Variants in B3GLCT observed in about 807,000 individuals in gnomAD.
B3GLCT encodes beta 3-glucosyltransferase.
In B3GLCT, 65 loss-of-function variants were observed where a neutral mutation model predicts 63.4. The observed-to-expected ratio is 1.03, with a 90% CI of 0.84 to 1.26. The LOEUF (loss-of-function observed/expected upper bound fraction) is 1.26, where lower values mean the gene tolerates loss of function less well. Among genes scored for constraint, B3GLCT ranks in the 50% most tolerant of loss-of-function variants. The pLI, the probability that B3GLCT is intolerant of heterozygous loss-of-function variation, is 0.00. For synonymous variants in B3GLCT, 233 were observed against 219.2 expected, an observed-to-expected ratio of 1.06 and a Z score of -0.55; for missense variants, 577 against 604.8, an observed-to-expected ratio of 0.95 and a Z score of 0.48.
At chr13:31,279,046 A>G (rs557412803) in intron 10 of B3GLCT, among the ~76,000 whole-genome samples, 1 of 152,276 alleles carries the variant, frequency 6.6e-6, no homozygotes, top group Admixed American at 6.5e-5. Flanking sequence ...GATGTATTAC[A>G]AACTCCATAC....
At chr13:31,324,446 A>C (rs1875504416) in intron 14 of B3GLCT, among the ~76,000 whole-genome samples, 1 of 152,202 alleles carries the variant, frequency 6.6e-6, no homozygotes, top group Admixed American at 6.5e-5. Flanking sequence ...TATGTTTACC[A>C]GGGACGGGTA....
intron 1 of B3GLCT, among the ~76,000 whole-genome samples, chr13:31,201,521 G>T (rs1252897767): frequency 6.6e-6 from 1 of 152,200 alleles, no homozygotes; most frequent in African/African-American, 2.4e-5. Flanking sequence ...GCAGCCCTGG[G>T]AGAAAGGGAG....
chr13:31,320,374 G>C (rs1416868431), intron 13 of B3GLCT, among the ~76,000 whole-genome samples: 1 of 152,018 alleles, frequency 6.6e-6, no homozygotes, highest in Non-Finnish European at 1.5e-5. Flanking sequence ...CACTGCTTTG[G>C]GCCCGAAAGC....
chr13:31,319,252 T>C lies in B3GLCT; in HGVS notation c.1184+1567T>C, dbSNP rs7333169. On this transcript the variant is annotated intron_variant, in intron 13 of 14. Coordinates refer to ENST00000343307, the MANE Select transcript of B3GLCT (RefSeq NM_194318.4). ...GCTCAGCGTCTACCCTGCCCCTGGGTACTTCCCACCACCTCTAGTTTTTCT... is the reference window on the plus strand; with the variant it reads ...GCTCAGCGTCTACCCTGCCCCTGGGCACTTCCCACCACCTCTAGTTTTTCT... 9.7e-3 allele frequency among the ~76,000 whole-genome samples: 1,481 copies of C among 152,284 alleles called. 59 individuals are homozygous for C. Among genetic ancestry groups the C allele is most frequent in the East Asian group, 0.07 (364 of 5,176 alleles).
chr13:31,262,190 T>G (rs1193819128), intron 7 of B3GLCT, among the ~76,000 whole-genome samples: 2 of 151,674 alleles, frequency 1.3e-5, no homozygotes, highest in East Asian at 3.9e-4. Flanking sequence ...GGTACAAATC[T>G]GGGGGTTCTT....
intron 1 of B3GLCT, among the ~76,000 whole-genome samples, chr13:31,204,892 T>G (rs1377716687): frequency 6.6e-6 from 1 of 152,168 alleles, no homozygotes; most frequent in Non-Finnish European, 1.5e-5. Context: ...TGGGTAGTAG[T>G]GCTGTTTACT....
chr13:31,213,758 A>G (rs1481005121), intron 1 of B3GLCT, among the ~76,000 whole-genome samples: 1 of 151,916 alleles, frequency 6.6e-6, no homozygotes, highest in East Asian at 1.9e-4. Context: ...AGTAAAGCAG[A>G]GTGAGGTGGA....
chr13:31,208,662 C>A (rs552894278), intron 1 of B3GLCT, among the ~76,000 whole-genome samples: 3 of 135,606 alleles, frequency 2.2e-5, no homozygotes, highest in African/African-American at 8.0e-5. Context: ...AGGCCCTTAG[C>A]GCTCTTTGCT....
At chr13:31,250,111 G>GT (rs1477357081) in intron 6 of B3GLCT, among the ~76,000 whole-genome samples, 3 of 152,148 alleles carry the variant, frequency 2.0e-5, no homozygotes, top group South Asian at 4.2e-4. Context: ...TCTTTCCTTT[G>GT]TAACCACAGT....
chr13:31,275,719 T>C (rs1199258495), intron 9 of B3GLCT, among the ~76,000 whole-genome samples: 1 of 152,142 alleles, frequency 6.6e-6, no homozygotes, highest in East Asian at 1.9e-4. Context: ...ACCTCAGATA[T>C]TGTCGTTATT....
At chr13:31,203,364 G>T (rs573278184) in intron 1 of B3GLCT, among the ~76,000 whole-genome samples, 1 of 152,318 alleles carries the variant, frequency 6.6e-6, no homozygotes, top group African/African-American at 2.4e-5. Flanking sequence ...GGCTCCCCAG[G>T]TCATGGACTT....
At chr13:31,230,318 G>A (rs1232695947) in intron 4 of B3GLCT, among the ~76,000 whole-genome samples, 1 of 152,176 alleles carries the variant, frequency 6.6e-6, no homozygotes, top group African/African-American at 2.4e-5. Context: ...TCTGCACCAT[G>A]TTGTGATGTC....
intron 12 of B3GLCT, among the ~76,000 whole-genome samples, chr13:31,302,447 T>C (rs1448616348): frequency 8.4e-5 from 12 of 143,084 alleles, no homozygotes; most frequent in African/African-American, 3.2e-4. Context: ...TGCCAGACAG[T>C]GGGCGCAGGC....
chr13:31,224,880 C>G (rs990796303), intron 3 of B3GLCT, among the ~76,000 whole-genome samples: 1 of 152,052 alleles, frequency 6.6e-6, no homozygotes, highest in Non-Finnish European at 1.5e-5. Context: ...AATTTCTGAC[C>G]AGGAAGATGA....
At chr13:31,237,220 A>ACC (rs1304723734) in intron 4 of B3GLCT, among the ~76,000 whole-genome samples, 1 of 152,150 alleles carries the variant, frequency 6.6e-6, no homozygotes, top group African/African-American at 2.4e-5. Context: ...AGATAACTTC[A>ACC]CCTGGAACTA....
chr13:31,260,291 T>C (rs563258279), intron 6 of B3GLCT: 22 of 152,364 alleles, frequency 1.4e-4, no homozygotes, highest in African/African-American at 4.8e-4. Context: ...CTTCATTAGA[T>C]GACTAACAGA....
intron 3 of B3GLCT, among the ~76,000 whole-genome samples, chr13:31,227,330 A>T (rs957751813): frequency 1.4e-5 from 2 of 141,768 alleles, no homozygotes; most frequent in East Asian, 2.0e-4. Flanking sequence ...TTATTAAATT[A>T]AAAAAAAAAT....
At chr13:31,215,576 G>T (rs1275318708) in intron 2 of B3GLCT, among the ~76,000 whole-genome samples, 1 of 152,076 alleles carries the variant, frequency 6.6e-6, no homozygotes, top group Non-Finnish European at 1.5e-5. Flanking sequence ...ACCATGCCCG[G>T]CTAATTTTTG....
intron 4 of B3GLCT, 116 bp downstream of exon 4, chr13:31,229,410 T>C: frequency 1.4e-6 from 1 of 733,950 alleles, no homozygotes; most frequent in East Asian, 2.6e-5. Flanking sequence ...ATAACTCCTC[T>C]GACTCATTTT....
Sources: gnomAD v4.1 joint callset for allele counts (sites outside exome capture counted in the v4.1 genomes callset) on GRCh38, gnomAD v4.1.1 for gene constraint, MANE v1.5 for transcripts, NCBI Gene and HGNC (gene_info 2026-07-23, HGNC 2026-07-21) for gene names.